Variants in CYRIB observed in about 807,000 individuals in gnomAD.
The protein encoded by CYRIB is CYFIP-related Rac1 interactor B.
CYRIB carries 8 observed loss-of-function variants against 44.2 expected under a neutral mutation model. The ratio of observed to expected loss-of-function variants is 0.18; its 90% confidence interval spans 0.11 to 0.33. The LOEUF (loss-of-function observed/expected upper bound fraction) is 0.33. CYRIB is among the 10% of genes least tolerant of loss of function. The pLI, the probability that CYRIB is intolerant of heterozygous loss-of-function variation, is 1.00. For missense variants in CYRIB, 185 were observed against 382.8 expected (o/e 0.48, Z 4.31); for synonymous variants, 131 against 127.2 (o/e 1.03, Z -0.20).
chr8:129,856,103 G>GT (rs1249787318), intron 5 of CYRIB, among the ~76,000 whole-genome samples: 3 of 152,184 alleles, frequency 2.0e-5, no homozygotes, highest in African/African-American at 7.2e-5. Context: ...TTATGAAATG[G>GT]TAACTATTAT....
intron 1 of CYRIB, among the ~76,000 whole-genome samples, chr8:129,936,645 A>G (rs1346502382): frequency 6.6e-6 from 1 of 151,964 alleles, no homozygotes; most frequent in African/African-American, 2.4e-5. Flanking sequence ...ACACAAAATC[A>G]TGTCTATACT....
chr8:129,927,534 G>A (rs546164818), intron 1 of CYRIB, among the ~76,000 whole-genome samples: 1 of 152,316 alleles, frequency 6.6e-6, no homozygotes, highest in African/African-American at 2.4e-5. Context: ...CAAGAACAAT[G>A]AGCGTAGGCA....
At chr8:129,886,039 T>C (rs1396432293) in intron 2 of CYRIB, among the ~76,000 whole-genome samples, 2 of 152,216 alleles carry the variant, frequency 1.3e-5, no homozygotes, top group African/African-American at 4.8e-5. Flanking sequence ...GGGGCACTAC[T>C]TCTCCTGCCT....
intron 2 of CYRIB, among the ~76,000 whole-genome samples, chr8:129,955,017 G>A (rs537435653): frequency 1.3e-5 from 2 of 152,314 alleles, no homozygotes; most frequent in African/African-American, 4.8e-5. Context: ...ACTCTGAGAA[G>A]CTGAGGCAGG....
chr8:129,932,172 G>C (rs2091694933), intron 1 of CYRIB, among the ~76,000 whole-genome samples: 1 of 151,610 alleles, frequency 6.6e-6, no homozygotes, highest in African/African-American at 2.4e-5. Context: ...CTAATTTTTT[G>C]CATTTTCAGT....
At chr8:129,903,504 A>G (rs1247977130) in intron 1 of CYRIB, among the ~76,000 whole-genome samples, 154 bp from the exon 4 acceptor site, 1 of 152,208 alleles carries the variant, frequency 6.6e-6, no homozygotes, top group Non-Finnish European at 1.5e-5. Context: ...CCTTGGATTA[A>G]CTCAACCACC....
At position 129,961,571 on chromosome 8, in the gene CYRIB, G is replaced by A. The variant is rs558151771; in HGVS notation, c.-243+9372C>T. ...CAACCTTAGAGGCTGTCATTTAACCGTTTAGAAGTAATATGGAACTTGGCC... is the reference window on the plus strand; with the variant it reads ...CAACCTTAGAGGCTGTCATTTAACCATTTAGAAGTAATATGGAACTTGGCC... On this transcript the variant is annotated intron_variant, in intron 2 of 14. Coordinates refer to the CYRIB transcript ENST00000401979. 1.6e-4 allele frequency among the ~76,000 whole-genome samples: 24 copies of A among 152,302 alleles called. No homozygotes were observed. In the South Asian group the frequency reaches 4.6e-3, roughly 29 times the overall value.
At chr8:129,841,422 G>A (rs1188568585) in exon 12 of CYRIB, 1 of 152,560 alleles carries the variant, frequency 6.6e-6, no homozygotes, top group Admixed American at 6.5e-5. Context: ...CATACATGGG[G>A]AAAACTTCAG....
chr8:129,906,357 T>C (rs533531721), intron 1 of CYRIB, among the ~76,000 whole-genome samples: 1 of 152,344 alleles, frequency 6.6e-6, no homozygotes, highest in East Asian at 1.9e-4. Context: ...GGGGAAAGGA[T>C]TCCCTATTCA....
intron 1 of CYRIB, among the ~76,000 whole-genome samples, chr8:129,994,638 C>T (rs1406310159): frequency 6.6e-6 from 1 of 152,244 alleles, no homozygotes; most frequent in Non-Finnish European, 1.5e-5. Flanking sequence ...AGGCCCACAG[C>T]AGGCACAGGG....
intron 9 of CYRIB, chr8:129,849,818 T>C (rs79318304): frequency 0.022 from 3,337 of 153,788 alleles, 137 homozygotes; most frequent in African/African-American, 0.074. Context: ...TACGTAATGG[T>C]TGTTAGCACC....
chr8:130,005,813 TA>T (rs58689229), intron 1 of CYRIB, among the ~76,000 whole-genome samples: 19,618 of 135,996 alleles, frequency 0.14, 1,583 homozygotes, highest in African/African-American at 0.26. Context: ...CCTCATCTCT[TA>T]AAAAAAAAAA....
intron 2 of CYRIB, among the ~76,000 whole-genome samples, chr8:129,969,015 C>CTTTTTTGTT (rs1554724053): frequency 1.3e-5 from 1 of 76,866 alleles, no homozygotes; most frequent in African/African-American, 5.2e-5. Flanking sequence ...ATTTGTCCTC[C>CTTTTTTGTT]TTTTTTTTTT....
chr8:129,905,242 G>A (rs181042401), intron 1 of CYRIB, among the ~76,000 whole-genome samples: 60 of 150,492 alleles, frequency 4.0e-4, no homozygotes, highest in Middle Eastern at 6.9e-3. Context: ...TTTTGAGATG[G>A]AGTCTCACTC....
chr8:129,986,821 A>G (rs1474078277), intron 1 of CYRIB, among the ~76,000 whole-genome samples: 1 of 152,188 alleles, frequency 6.6e-6, no homozygotes, highest in Non-Finnish European at 1.5e-5. Flanking sequence ...ACAAGACACC[A>G]GGCAAAAGCA....
intron 1 of CYRIB, among the ~76,000 whole-genome samples, chr8:129,998,658 T>A (rs1374163852): frequency 6.6e-6 from 1 of 151,770 alleles, no homozygotes; most frequent in African/African-American, 2.4e-5. Context: ...TTTAGATGAA[T>A]TCTTGCTCTG....
At chr8:129,866,938 G>A (rs893345685) in intron 4 of CYRIB, among the ~76,000 whole-genome samples, 3 of 152,208 alleles carry the variant, frequency 2.0e-5, no homozygotes, top group Non-Finnish European at 4.4e-5. Context: ...ATGCAAAAGG[G>A]CACTTAGTAA....
At position 129,855,762 on chromosome 8, in the gene CYRIB, T is replaced by A. The variant is rs1325377618; in HGVS notation, c.302-15A>T. The A allele has an allele frequency of 1.8e-5, 29 of 1,584,412 alleles. No individual in the cohort carries two copies. The Admixed American group carries it at 3.4e-4, about 18-fold the overall frequency. Reference sequence around the variant, plus strand: ...TAATGCTGCTTCTAAAGAAAAAAATTGAAAAAAACATTAAGTTGTTTGTAT... The same window carrying A: ...TAATGCTGCTTCTAAAGAAAAAAATAGAAAAAAACATTAAGTTGTTTGTAT... On this transcript the variant is annotated splice_polypyrimidine_tract_variant and intron_variant, in intron 5 of 11. Coordinates refer to ENST00000519824, the Ensembl canonical transcript of CYRIB.
intron 11 of CYRIB, among the ~76,000 whole-genome samples, chr8:129,845,372 G>C (rs1189204733): frequency 6.6e-6 from 1 of 152,164 alleles, no homozygotes; most frequent in Non-Finnish European, 1.5e-5. Context: ...GGAGTATTCA[G>C]AAAGAAACCA....
Sources: gnomAD v4.1 joint callset for allele counts (sites outside exome capture counted in the v4.1 genomes callset) on GRCh38, gnomAD v4.1.1 for gene constraint, MANE v1.5 for transcripts, NCBI Gene and HGNC (gene_info 2026-07-23, HGNC 2026-07-21) for gene names.